SMOC2: variants seen among roughly 807,000 people sequenced by gnomAD.
The protein encoded by SMOC2 is SPARC related modular calcium binding 2.
Under a neutral mutation model 61.4 loss-of-function variants are expected in SMOC2, and 39 were observed. The ratio of observed to expected loss-of-function variants is 0.64; its 90% CI spans 0.49 to 0.83. SMOC2 has a LOEUF of 0.83. Ranked by LOEUF, SMOC2 falls within the 40% of genes least tolerant of loss-of-function variation. SMOC2 has a pLI of 0.00. For missense variants in SMOC2, 556 were observed against 592.9 expected, an observed-to-expected ratio of 0.94 and a Z score of 0.65; for synonymous variants, 247 against 239.9, an observed-to-expected ratio of 1.03 and a Z score of -0.27.
intron 7 of SMOC2, among the ~76,000 whole-genome samples, chr6:168,583,241 G>A (rs1241225838): frequency 6.6e-6 from 1 of 152,142 alleles, no homozygotes; most frequent in African/African-American, 2.4e-5. Context: ...TGAGGAGCCC[G>A]TGCCTGGCTC....
At chr6:168,578,126 C>T (rs765864261) in intron 7 of SMOC2, among the ~76,000 whole-genome samples, 6 of 152,212 alleles carry the variant, frequency 3.9e-5, no homozygotes, top group Non-Finnish European at 8.8e-5. Flanking sequence ...AATCACCGTG[C>T]ATTTGCACGT....
chr6:168,474,361 C>T (rs1210537739), intron 1 of SMOC2, among the ~76,000 whole-genome samples: 1 of 152,102 alleles, frequency 6.6e-6, no homozygotes. Flanking sequence ...CCCCGCTCCT[C>T]CTTCCAGCAT....
At chr6:168,664,498 G>A (rs1009041651) in intron 12 of SMOC2, 5 of 398,692 alleles carry the variant, frequency 1.3e-5, no homozygotes, top group East Asian at 7.3e-5. Flanking sequence ...ACAGGCATGC[G>A]CCACCGTACC....
chr6:168,612,871 A>C (rs1785918187), intron 9 of SMOC2, among the ~76,000 whole-genome samples: 1 of 152,216 alleles, frequency 6.6e-6, no homozygotes, highest in African/African-American at 2.4e-5. Context: ...TCAGGGCAGG[A>C]GCATCGGCCA....
At position 168,599,018 on chromosome 6, in the gene SMOC2, A is replaced by G; in HGVS notation, c.824+14A>G. Reference sequence around the variant, plus strand: ...CACATCCACAAGGTAAATAGGGTGCACCCACCCCCCCCGGGACCATGGGAG... The same window carrying G: ...CACATCCACAAGGTAAATAGGGTGCGCCCACCCCCCCCGGGACCATGGGAG... On this transcript the variant is annotated intron_variant, in intron 8 of 12. Transcript: ENST00000356284. 3.2e-6 allele frequency: 5 copies of G among 1,569,046 alleles called. No individual in the cohort carries two copies. Among genetic ancestry groups the G allele is most frequent in the Middle Eastern group, 1.8e-4 (1 of 5,452 alleles).
At chr6:168,545,760 C>G (rs547805099) in intron 5 of SMOC2, among the ~76,000 whole-genome samples, 1 of 152,350 alleles carries the variant, frequency 6.6e-6, no homozygotes, top group African/African-American at 2.4e-5. Flanking sequence ...CTGGTGGTCC[C>G]AGAGTGGTGA....
intron 7 of SMOC2, among the ~76,000 whole-genome samples, chr6:168,550,728 T>G (rs561840932): frequency 9.2e-5 from 14 of 152,172 alleles, no homozygotes; most frequent in Admixed American, 2.6e-4. Flanking sequence ...GCAGAAACAT[T>G]TAATACCTAT....
Position 168,453,361 on chromosome 6 carries a change from G to A in SMOC2, c.84+11907G>A, listed in dbSNP as rs148920294. ...CCGGGTCTCCTCCTCACTCTTCTCA[G>A]TCTACCCTGGAGTTCAACAAAAAGG... On this transcript the variant is annotated intron_variant, in intron 1 of 12. Coordinates refer to ENST00000356284, the MANE Select transcript of SMOC2 (RefSeq NM_001166412.2). The surrounding 1 kb of genome is among the most constrained non-coding windows in gnomAD (Gnocchi z 4.4). Among the ~76,000 whole-genome samples the A allele has an allele frequency of 5.9e-4, 90 of 152,288 alleles. 2 individuals are homozygous for A. The East Asian group carries it at 0.017, about 29-fold the overall frequency.
At chr6:168,442,956 G>A (rs1781250441) in intron 1 of SMOC2, among the ~76,000 whole-genome samples, 1 of 152,188 alleles carries the variant, frequency 6.6e-6, no homozygotes, top group Admixed American at 6.5e-5. Context: ...CTCACTGGAG[G>A]CATTCATGTA....
At chr6:168,579,171 T>A (rs1460305428) in intron 7 of SMOC2, among the ~76,000 whole-genome samples, 5 of 152,228 alleles carry the variant, frequency 3.3e-5, no homozygotes, top group Admixed American at 3.3e-4. Flanking sequence ...CCTGTTCCCC[T>A]CGGGGTGGGC....
chr6:168,623,933 G>A lies in SMOC2; in HGVS notation c.907+15694G>A, dbSNP rs139255127. On this transcript the variant is annotated intron_variant, in intron 9 of 12. Transcript: ENST00000356284. ...AGAGGAAGGGAGGAGGGAGAGAGGC[G>A]CGCTCACCTGCTGGAGGTCACAGAG... Among the ~76,000 whole-genome samples, 550 of 152,282 alleles carry A rather than the reference G, an allele frequency of 3.6e-3. 4 individuals carry two copies. The highest frequency in any genetic ancestry group is 0.013 in the African/African-American group (538 of 41,546).
chr6:168,626,134 C>A (rs1034035913), intron 9 of SMOC2, among the ~76,000 whole-genome samples: 1 of 152,208 alleles, frequency 6.6e-6, no homozygotes, highest in African/African-American at 2.4e-5. Context: ...AGGCAAGTTC[C>A]TTACACTGCT....
intron 1 of SMOC2, among the ~76,000 whole-genome samples, chr6:168,505,363 G>A (rs1038235314): frequency 6.6e-6 from 1 of 152,018 alleles, no homozygotes; most frequent in South Asian, 2.1e-4. Context: ...CCAGATGAAT[G>A]ACTGAATGAA....
intron 2 of SMOC2, 118 bp downstream of exon 2, chr6:168,510,204 CT>C (rs528173321): frequency 1.4e-5 from 13 of 946,464 alleles, no homozygotes; most frequent in East Asian, 5.2e-5. Flanking sequence ...TATGTTGGCT[CT>C]TTTTTTACAG....
In SMOC2 at chr6:168,452,416, A is replaced by G. The variant is rs1313232661; in HGVS notation, c.84+10962A>G. Among the ~76,000 whole-genome samples, 1 of 152,184 alleles carries G rather than the reference A, an allele frequency of 6.6e-6. No homozygotes were observed. The highest frequency in any genetic ancestry group is 2.4e-5 in the African/African-American group (1 of 41,444). On this transcript the variant is annotated intron_variant, in intron 1 of 12. Coordinates refer to ENST00000356284, the MANE Select transcript of SMOC2 (RefSeq NM_001166412.2). The surrounding 1 kb of genome is among the most constrained non-coding windows in gnomAD (Gnocchi z 5.0). ...TGCCTGGGGCCTGGACTGGCTAAAT[A>G]GGGTGCTATTTTCTTTTTGCTGTGA...
chr6:168,576,791 C>G (rs1271568120), intron 7 of SMOC2, among the ~76,000 whole-genome samples: 1 of 152,028 alleles, frequency 6.6e-6, no homozygotes, highest in Non-Finnish European at 1.5e-5. Context: ...TCAGGGATCA[C>G]CCGTCAGAGA....
At chr6:168,563,352 GTA>G (rs1188130321) in intron 7 of SMOC2, among the ~76,000 whole-genome samples, 2 of 151,934 alleles carry the variant, frequency 1.3e-5, no homozygotes, top group Non-Finnish European at 2.9e-5. Flanking sequence ...GTGTGTATAT[GTA>G]TGTGTGTATA....
At chr6:168,621,717 ACG>A (rs1192009635) in intron 9 of SMOC2, among the ~76,000 whole-genome samples, 115 of 31,920 alleles carry the variant, frequency 3.6e-3, no homozygotes, top group Middle Eastern at 9.1e-3. Context: ...ATCAGATCTC[ACG>A]ATCTCACGCG....
At chr6:168,550,104 T>C (rs1480015470) in intron 7 of SMOC2, among the ~76,000 whole-genome samples, 1 of 152,196 alleles carries the variant, frequency 6.6e-6, no homozygotes, top group East Asian at 1.9e-4. Flanking sequence ...AGGCTCTCAG[T>C]TGATTGCTTG....
Sources: allele counts gnomAD v4.1 joint callset (sites outside exome capture counted in the v4.1 genomes callset), GRCh38; gene constraint gnomAD v4.1.1; non-coding constraint Gnocchi (gnomAD v3.1); transcripts MANE v1.5; gene names NCBI Gene and HGNC (gene_info 2026-07-23, HGNC 2026-07-21).